Variants in PRIM2 observed in about 807,000 individuals in gnomAD.
PRIM2 encodes DNA primase large subunit.
A neutral mutation model predicts 67.3 loss-of-function variants in PRIM2; 39 were observed. The ratio of observed to expected loss-of-function variants is 0.58; its 90% CI spans 0.45 to 0.76. The LOEUF is 0.76. PRIM2 is among the 30% of genes least tolerant of loss of function. The pLI is 0.00. For missense variants in PRIM2, 398 were observed against 598.7 expected (o/e 0.66, Z 3.50); for synonymous variants, 143 against 198.7 (o/e 0.72, Z 2.36).
chr6:57,503,945 A>C (rs1269921796), intron 7 of PRIM2, among the ~76,000 whole-genome samples: 1 of 152,208 alleles, frequency 6.6e-6, no homozygotes, highest in Non-Finnish European at 1.5e-5. Flanking sequence ...TTCCATGAAA[A>C]AATTTGGGAA....
chr6:57,367,846 G>A (rs1432464841), intron 5 of PRIM2, among the ~76,000 whole-genome samples: 8 of 152,200 alleles, frequency 5.3e-5, no homozygotes, highest in Non-Finnish European at 7.3e-5. Flanking sequence ...TCAAAAAATA[G>A]GCCTGGGCCT....
At chr6:57,299,134 G>T in the PRIM2 span, among the ~76,000 whole-genome samples, 1 of 151,964 alleles carries the variant, frequency 6.6e-6, no homozygotes, top group Non-Finnish European at 1.5e-5. Context: ...AGTCCAGTAA[G>T]ATAATGCACA....
chr6:57,538,943 T>C (rs1775075424), intron 10 of PRIM2, among the ~76,000 whole-genome samples: 2 of 152,194 alleles, frequency 1.3e-5, no homozygotes, highest in South Asian at 4.1e-4. Context: ...TACAGTTGGA[T>C]TTGGAGTTAG....
chr6:57,548,908 G>A (rs1640850577), intron 10 of PRIM2, among the ~76,000 whole-genome samples: 1 of 151,850 alleles, frequency 6.6e-6, no homozygotes, highest in South Asian at 2.1e-4. Context: ...CCATAAGTGT[G>A]CTAAGGCATT....
the PRIM2 span, among the ~76,000 whole-genome samples, chr6:57,234,680 T>C: frequency 0.053 from 8,048 of 152,156 alleles, 278 homozygotes; most frequent in Non-Finnish European, 0.074. Context: ...CATACCACCA[T>C]GCCCAGCTAA....
chr6:57,254,564 T>C, the PRIM2 span, among the ~76,000 whole-genome samples: 1 of 152,204 alleles, frequency 6.6e-6, no homozygotes, highest in African/African-American at 2.4e-5. Flanking sequence ...AAGGCTGGAA[T>C]GTAACAAAAG....
chr6:57,621,953 T>A (rs1459764747), intron 12 of PRIM2, among the ~76,000 whole-genome samples: 1 of 152,094 alleles, frequency 6.6e-6, no homozygotes, highest in Non-Finnish European at 1.5e-5. Context: ...GTTTTTTTTT[T>A]CTTTCTTTCT....
At chr6:57,471,188 CTG>C in intron 7 of PRIM2, among the ~76,000 whole-genome samples, 1 of 151,968 alleles carries the variant, frequency 6.6e-6, no homozygotes. Context: ...GGTACAAAGA[CTG>C]TGAGCTGTGG....
chr6:57,344,960 C>G (rs1768620920), intron 5 of PRIM2, among the ~76,000 whole-genome samples: 1 of 151,946 alleles, frequency 6.6e-6, no homozygotes, highest in Non-Finnish European at 1.5e-5. Flanking sequence ...TCCAAAATGA[C>G]TTGTGAAAGT....
At chr6:57,312,547 T>C (rs991996770), upstream of PRIM2, among the ~76,000 whole-genome samples, 3 of 152,208 alleles carry the variant, frequency 2.0e-5, no homozygotes, top group Non-Finnish European at 2.9e-5. Context: ...ATCCCTTAAG[T>C]TCTTAATTTA....
intron 7 of PRIM2, among the ~76,000 whole-genome samples, chr6:57,409,337 G>A (rs2127362522): frequency 6.6e-6 from 1 of 152,112 alleles, no homozygotes; most frequent in South Asian, 2.1e-4. Context: ...CACCGCACCG[G>A]CTAATTTTTT....
chr6:57,525,021 A>G (rs1255790344), intron 8 of PRIM2, among the ~76,000 whole-genome samples: 7 of 151,950 alleles, frequency 4.6e-5, no homozygotes, highest in African/African-American at 1.7e-4. Context: ...TTAAAGACCT[A>G]TCTCAGGACC....
intron 7 of PRIM2, among the ~76,000 whole-genome samples, chr6:57,470,443 C>T (rs1206359774): frequency 4.8e-5 from 4 of 82,550 alleles, no homozygotes; most frequent in Middle Eastern, 9.6e-3. Context: ...CTCCCCTCTC[C>T]CCCTCTCCCC....
At chr6:57,592,593 G>GT (rs1383089458) in intron 10 of PRIM2, among the ~76,000 whole-genome samples, 2 of 152,072 alleles carry the variant, frequency 1.3e-5, no homozygotes, top group African/African-American at 4.8e-5. Context: ...TTAAGAGTTC[G>GT]AGACCAGCCT....
chr6:57,371,013 A>G (rs1290249146), intron 5 of PRIM2, among the ~76,000 whole-genome samples: 1 of 152,020 alleles, frequency 6.6e-6, no homozygotes, highest in Non-Finnish European at 1.5e-5. Flanking sequence ...TTTTATCTAT[A>G]ACTTCTAATC....
intron 10 of PRIM2, among the ~76,000 whole-genome samples, chr6:57,579,673 A>T (rs1776043569): frequency 1.3e-5 from 2 of 152,198 alleles, no homozygotes; most frequent in South Asian, 2.1e-4. Flanking sequence ...TTTGACATTG[A>T]TAGAAAAAGG....
the PRIM2 span, among the ~76,000 whole-genome samples, chr6:57,233,514 A>G: frequency 1.3e-5 from 2 of 152,080 alleles, no homozygotes; most frequent in African/African-American, 4.8e-5. Flanking sequence ...CTAAATGTCT[A>G]CCCTCTCCGT....
intron 8 of PRIM2, among the ~76,000 whole-genome samples, chr6:57,520,313 C>T (rs1286525445): frequency 1.3e-5 from 2 of 152,078 alleles, no homozygotes; most frequent in Non-Finnish European, 2.9e-5. Flanking sequence ...AGATGTTGTC[C>T]ATCATTTTAA....
the PRIM2 span, among the ~76,000 whole-genome samples, chr6:57,240,404 G>A: frequency 6.6e-6 from 1 of 152,084 alleles, no homozygotes; most frequent in Non-Finnish European, 1.5e-5. Flanking sequence ...CCTGGCCAGG[G>A]TCAAGAATCT....
Sources: gnomAD v4.1 joint callset for allele counts (sites outside exome capture counted in the v4.1 genomes callset) on GRCh38, gnomAD v4.1.1 for gene constraint, MANE v1.5 for transcripts, NCBI Gene and HGNC (gene_info 2026-07-23, HGNC 2026-07-21) for gene names.